TRIM24: variants seen among roughly 807,000 people sequenced by gnomAD.
TRIM24 encodes tripartite motif containing 24, also known as transcription intermediary factor 1-alpha.
A neutral mutation model predicts 123.9 loss-of-function variants in TRIM24; 29 were observed. That is an observed-to-expected ratio of 0.23 (90% CI 0.17 to 0.32). The LOEUF is 0.32. TRIM24 is among the 10% of genes least tolerant of loss of function. TRIM24 has a pLI of 1.00. For missense variants in TRIM24, 932 were observed against 1,295.3 expected (o/e 0.72, Z 4.31); for synonymous variants, 456 against 461.1 (o/e 0.99, Z 0.14).
intron 5 of TRIM24, 136 bp downstream of exon 5, chr7:138,525,493 C>T (rs947160598): frequency 4.8e-6 from 2 of 413,320 alleles, no homozygotes; most frequent in African/African-American, 4.1e-5. Context: ...AAGACTTTCC[C>T]AGAAACTTAG....
chr7:138,505,591 C>T (rs1306783733), intron 2 of TRIM24, among the ~76,000 whole-genome samples: 1 of 151,616 alleles, frequency 6.6e-6, no homozygotes, highest in African/African-American at 2.4e-5. Context: ...GTCTGGAGTT[C>T]AGTGATGTAG....
At chr7:138,481,936 T>G (rs1035052996) in intron 1 of TRIM24, among the ~76,000 whole-genome samples, 3 of 152,220 alleles carry the variant, frequency 2.0e-5, no homozygotes. Context: ...CAGTTTCACT[T>G]TCTACCTGCT....
intron 5 of TRIM24, among the ~76,000 whole-genome samples, chr7:138,526,308 T>G (rs2116578636): frequency 6.6e-6 from 1 of 152,354 alleles, no homozygotes; most frequent in Middle Eastern, 3.4e-3. Flanking sequence ...TAAAAGAGAT[T>G]TTTACACATA....
Position 138,460,562 on chromosome 7 carries a change from T to C in TRIM24, c.14T>C (p.Val5Ala). 1 of 1,309,762 alleles carries C rather than the reference T, an allele frequency of 7.6e-7. No individual in the cohort carries two copies. The highest frequency in any genetic ancestry group is 9.6e-7 in the Non-Finnish European group (1 of 1,039,602). The allele number at this position is 1,309,762 out of a possible 1,614,324, so 81.1% of individuals were successfully genotyped here. A position where few individuals can be genotyped will look rare whatever the true frequency, so the allele number is the denominator to read the frequency against. MEVAVEKAVAAAAAA... is the reference protein window; with the variant it reads MEVAAEKAVAAAAAA... Reference sequence around the variant, plus strand: ...AAGGGCAGGACAATGGAGGTGGCGGTGGAGAAGGCGGTGGCGGCGGCGGCA... The same window carrying C: ...AAGGGCAGGACAATGGAGGTGGCGGCGGAGAAGGCGGTGGCGGCGGCGGCA... Residue 5 changes from valine to alanine, a missense_variant, in exon 1 of 19, where the codon GTG becomes GCG. Val to Ala is a moderately conservative substitution (Grantham distance 64). Around this residue, in one of 7 missense-constraint regions of TRIM24, gnomAD observed 164 missense variants for 181.9 expected, o/e 0.90. Coordinates refer to ENST00000343526, the MANE Select transcript of TRIM24 (RefSeq NM_015905.3).
intron 1 of TRIM24, among the ~76,000 whole-genome samples, chr7:138,462,091 C>T (rs528131688): frequency 2.0e-5 from 3 of 152,152 alleles, no homozygotes; most frequent in African/African-American, 7.2e-5. Flanking sequence ...AAAGAGCAGC[C>T]TTGGAAGATA....
chr7:138,549,543 A>G (rs1488346175), intron 7 of TRIM24, among the ~76,000 whole-genome samples: 1 of 152,198 alleles, frequency 6.6e-6, no homozygotes, highest in Admixed American at 6.5e-5. Flanking sequence ...ACCAAATGAA[A>G]AAAAGCATTT....
rs932452348 is a variant in TRIM24, at chr7:138,587,293, C to A, written c.*2342C>A. On this transcript the variant is annotated 3_prime_UTR_variant, in exon 19 of 19. Transcript: ENST00000343526. Reference sequence around the variant, plus strand: ...ACTTGAACGCAGGAGGCAGAAGTTGCAGTGAGCCAAGATCTCACCATTGCA... The same window carrying A: ...ACTTGAACGCAGGAGGCAGAAGTTGAAGTGAGCCAAGATCTCACCATTGCA... 3.3e-5 allele frequency: 5 copies of A among 152,206 alleles called. No homozygotes were observed. Among genetic ancestry groups the A allele is most frequent in the African/African-American group, 1.2e-4 (5 of 41,428 alleles). The allele number at this position is 152,206 out of a possible 1,614,324, so 9.4% of individuals were successfully genotyped here.
chr7:138,528,715 G>T (rs1273552289), intron 5 of TRIM24, among the ~76,000 whole-genome samples: 3 of 151,452 alleles, frequency 2.0e-5, no homozygotes. Context: ...CTAGCTTTCG[G>T]TTGCAATTAA....
chr7:138,531,918 T>C (rs1479325774), intron 6 of TRIM24, among the ~76,000 whole-genome samples: 2 of 152,132 alleles, frequency 1.3e-5, no homozygotes, highest in African/African-American at 4.8e-5. Flanking sequence ...TTCTAACTGG[T>C]GTGAGCTGGT....
intron 18 of TRIM24, 66 bp from the exon 19 acceptor site, chr7:138,584,676 A>T: frequency 7.9e-7 from 1 of 1,257,988 alleles, no homozygotes; most frequent in Non-Finnish European, 1.1e-6. Context: ...ACAGCTCATT[A>T]ATATATATAA....
At chr7:138,486,897 G>A (rs553526542) in intron 1 of TRIM24, among the ~76,000 whole-genome samples, 1 of 152,260 alleles carries the variant, frequency 6.6e-6, no homozygotes, top group Non-Finnish European at 1.5e-5. Flanking sequence ...AACTTGATGG[G>A]GATGGCATTG....
intron 9 of TRIM24, among the ~76,000 whole-genome samples, chr7:138,560,854 A>G (rs1198236214): frequency 1.3e-5 from 2 of 152,100 alleles, no homozygotes; most frequent in African/African-American, 4.8e-5. Flanking sequence ...CTTCCTTTTT[A>G]CAATGCGGGG....
chr7:138,567,713 CAAAG>C, intron 10 of TRIM24, 59 bp downstream of exon 10: 1 of 1,485,874 alleles, frequency 6.7e-7, no homozygotes, highest in Non-Finnish European at 9.0e-7. Flanking sequence ...TTTCAAATCA[CAAAG>C]AATTTACAGA....
chr7:138,514,206 C>T (rs150891918), intron 2 of TRIM24, among the ~76,000 whole-genome samples: 81 of 152,260 alleles, frequency 5.3e-4, no homozygotes, highest in African/African-American at 1.9e-3. Context: ...TACTGTCAAA[C>T]CTGTTCTCAT....
intron 10 of TRIM24, among the ~76,000 whole-genome samples, chr7:138,568,379 C>CTTTTTTTTT (rs60386130): frequency 0.014 from 988 of 68,692 alleles, 97 homozygotes; most frequent in East Asian, 0.044. Flanking sequence ...ACCTGGCCTC[C>CTTTTTTTTT]TTTTTTTTTT....
intron 1 of TRIM24, among the ~76,000 whole-genome samples, chr7:138,467,956 G>A (rs1795184624): frequency 6.6e-6 from 1 of 151,938 alleles, no homozygotes; most frequent in Non-Finnish European, 1.5e-5. Context: ...CAGGGAGATA[G>A]CTTTACTTCT....
At chr7:138,534,131 G>A (rs1027130439) in intron 6 of TRIM24, among the ~76,000 whole-genome samples, 85 of 151,388 alleles carry the variant, frequency 5.6e-4, no homozygotes, top group African/African-American at 1.9e-3. Context: ...TCTTGCTAGC[G>A]GTCTATTTTG....
chr7:138,515,131 G>T (rs1291215625), intron 2 of TRIM24, 81 bp from the exon 3 acceptor site: 1 of 1,385,292 alleles, frequency 7.2e-7, no homozygotes, highest in African/African-American at 1.4e-5. Flanking sequence ...TGGTACAATT[G>T]GTGTATCATG....
rs774958985 is a variant in TRIM24, at chr7:138,460,539, G to A, written c.-10G>A. The A allele has an allele frequency of 8.0e-5, 104 of 1,294,400 alleles. No homozygotes were observed. The highest frequency in any genetic ancestry group is 6.8e-6 in the Non-Finnish European group (7 of 1,029,996). 80.2% of individuals were successfully genotyped at this position (1,294,400 alleles called of 1,614,324 possible). A position where few individuals can be genotyped will look rare whatever the true frequency, so the allele number is the denominator to read the frequency against. On this transcript the variant is annotated 5_prime_UTR_variant, in exon 1 of 19. Coordinates refer to ENST00000343526, the MANE Select transcript of TRIM24 (RefSeq NM_015905.3). ...GCTCTCGCTTCCCCGGCGGCGGCAA[G>A]GGCAGGACAATGGAGGTGGCGGTGG... is the stretch of plus-strand genomic sequence containing the variant.
Sources: allele counts gnomAD v4.1 joint callset (sites outside exome capture counted in the v4.1 genomes callset), GRCh38; gene constraint gnomAD v4.1.1; regional missense constraint gnomAD v4.1.1; transcripts MANE v1.5; gene names NCBI Gene and HGNC (gene_info 2026-07-23, HGNC 2026-07-21).